Variants in RIMS2 observed in about 807,000 individuals in gnomAD.
RIMS2 encodes the protein regulating synaptic membrane exocytosis protein 2.
Under a neutral mutation model 174.4 loss-of-function variants are expected in RIMS2, and 59 were observed. That is an observed-to-expected ratio of 0.34 (90% CI 0.27 to 0.42). RIMS2 has a LOEUF of 0.42. Ranked by LOEUF, RIMS2 falls within the 10% of genes least tolerant of loss-of-function variation. RIMS2 has a pLI of 1.00. For synonymous variants in RIMS2, 606 were observed against 572.5 expected (o/e 1.06, Z -0.84); for missense variants, 1,620 against 1,666.3 (o/e 0.97, Z 0.48).
At chr8:103,510,337 G>A (rs1022530787) in intron 1 of RIMS2, among the ~76,000 whole-genome samples, 2 of 152,058 alleles carry the variant, frequency 1.3e-5, no homozygotes, top group Admixed American at 6.6e-5. Flanking sequence ...TGCTTCCCAG[G>A]CACATAGATG....
rs556297251 is a variant in RIMS2, at chr8:103,603,466, A to G, written c.177-93620A>G. 3.4e-3 allele frequency among the ~76,000 whole-genome samples: 517 copies of G among 151,046 alleles called. 2 individuals are homozygous for G. The highest frequency in any genetic ancestry group is 0.01 in the Middle Eastern group (3 of 294). On this transcript the variant is annotated intron_variant, in intron 1 of 23. Coordinates refer to ENST00000504942, the Ensembl canonical transcript of RIMS2. ...AATGCCACAATAAACATACGTGTGCATGTGTCTTTATAGCAGCATGATTTA... is the reference window on the plus strand; with the variant it reads ...AATGCCACAATAAACATACGTGTGCGTGTGTCTTTATAGCAGCATGATTTA...
At chr8:103,768,153 C>T in intron 3 of RIMS2, 2 of 334,270 alleles carry the variant, frequency 6.0e-6, no homozygotes, top group Non-Finnish European at 1.1e-5. Flanking sequence ...TTATAATGGT[C>T]AAGGTATATG....
intron 19 of RIMS2, among the ~76,000 whole-genome samples, chr8:104,237,278 A>AC (rs2099263593): frequency 6.6e-6 from 1 of 152,218 alleles, no homozygotes; most frequent in Non-Finnish European, 1.5e-5. Context: ...TATCTATTGT[A>AC]TGTATCTGTC....
intron 17 of RIMS2, among the ~76,000 whole-genome samples, chr8:104,009,010 A>T (rs2095673554): frequency 1.3e-5 from 2 of 152,086 alleles, no homozygotes; most frequent in South Asian, 4.1e-4. Flanking sequence ...TCCTCATAAC[A>T]TTAGAAACGA....
At chr8:104,101,122 A>AT (rs2097889104) in intron 19 of RIMS2, among the ~76,000 whole-genome samples, 2 of 143,096 alleles carry the variant, frequency 1.4e-5, no homozygotes, top group African/African-American at 5.1e-5. Context: ...TATATGTAAT[A>AT]TATATTTTAC....
intron 19 of RIMS2, among the ~76,000 whole-genome samples, chr8:104,047,165 A>C (rs925649857): frequency 1.3e-5 from 2 of 152,038 alleles, no homozygotes; most frequent in Non-Finnish European, 2.9e-5. Context: ...TTTAGTGATT[A>C]AGTAAGTCAT....
intron 19 of RIMS2, among the ~76,000 whole-genome samples, chr8:104,135,643 G>C (rs533129729): frequency 6.8e-6 from 1 of 147,032 alleles, no homozygotes; most frequent in East Asian, 2.0e-4. Flanking sequence ...AAAGAATGCT[G>C]AAATGTTGAG....
intron 1 of RIMS2, among the ~76,000 whole-genome samples, chr8:103,565,459 C>T (rs1209532311): frequency 6.6e-6 from 1 of 152,088 alleles, no homozygotes; most frequent in African/African-American, 2.4e-5. Context: ...CATGCACCAC[C>T]ACACCTGCTA....
chr8:103,651,099 A>G (rs2096443583), intron 1 of RIMS2, among the ~76,000 whole-genome samples: 1 of 152,116 alleles, frequency 6.6e-6, no homozygotes, highest in Non-Finnish European at 1.5e-5. Flanking sequence ...TGGACCCAGG[A>G]CCCTGGTGAT....
chr8:103,693,066 G>C (rs939596798), intron 1 of RIMS2, among the ~76,000 whole-genome samples: 5 of 152,290 alleles, frequency 3.3e-5, no homozygotes, highest in African/African-American at 9.6e-5. Context: ...CTACTGCTGT[G>C]ATGGGCAATT....
intron 3 of RIMS2, among the ~76,000 whole-genome samples, chr8:103,854,950 T>C (rs2099019455): frequency 6.6e-6 from 1 of 152,128 alleles, no homozygotes; most frequent in East Asian, 1.9e-4. Context: ...TTCTTCTTTG[T>C]ATAACTGGTA....
At chr8:103,699,849 G>A (rs1161470915) in intron 2 of RIMS2, among the ~76,000 whole-genome samples, 1 of 152,068 alleles carries the variant, frequency 6.6e-6, no homozygotes, top group African/African-American at 2.4e-5. Flanking sequence ...TAATTTAGAA[G>A]TATGTTATTT....
intron 1 of RIMS2, among the ~76,000 whole-genome samples, chr8:103,560,329 A>T (rs757209065): frequency 2.6e-5 from 4 of 152,256 alleles, no homozygotes; most frequent in Non-Finnish European, 4.4e-5. Context: ...GTGAGCCAAG[A>T]TTGCGCCATT....
At chr8:103,859,310 T>C (rs1042413295) in intron 3 of RIMS2, among the ~76,000 whole-genome samples, 7 of 152,154 alleles carry the variant, frequency 4.6e-5, no homozygotes, top group Non-Finnish European at 7.4e-5. Flanking sequence ...ATCTGAGTAA[T>C]AAATCTGGAG....
intron 1 of RIMS2, among the ~76,000 whole-genome samples, chr8:103,578,931 A>C (rs1006160496): frequency 6.6e-6 from 1 of 152,026 alleles, no homozygotes; most frequent in Non-Finnish European, 1.5e-5. Context: ...TGGAGGTTGC[A>C]CTGAGCTGAG....
At chr8:103,552,845 A>G (rs1323059825) in intron 1 of RIMS2, among the ~76,000 whole-genome samples, 1 of 152,260 alleles carries the variant, frequency 6.6e-6, no homozygotes, top group African/African-American at 2.4e-5. Flanking sequence ...ACATGAAAAA[A>G]TGCTCATCAT....
chr8:103,650,867 C>G (rs916072188), intron 1 of RIMS2, among the ~76,000 whole-genome samples: 1 of 152,192 alleles, frequency 6.6e-6, no homozygotes, highest in East Asian at 1.9e-4. Context: ...TACCAGCTGG[C>G]TGGAATTCCA....
intron 19 of RIMS2, among the ~76,000 whole-genome samples, chr8:104,175,962 T>C (rs564074607): frequency 7.9e-5 from 12 of 152,254 alleles, no homozygotes; most frequent in African/African-American, 2.4e-4. Flanking sequence ...ACATGCTATA[T>C]AGTAGGATGT....
At chr8:103,936,764 C>G in intron 13 of RIMS2, 42 bp downstream of exon 15, 1 of 1,384,870 alleles carries the variant, frequency 7.2e-7, no homozygotes, top group East Asian at 2.4e-5. Context: ...TCATGTTATC[C>G]TGAATACTTT....
Sources: gnomAD v4.1 joint callset for allele counts (sites outside exome capture counted in the v4.1 genomes callset) on GRCh38, gnomAD v4.1.1 for gene constraint, MANE v1.5 for transcripts, NCBI Gene and HGNC (gene_info 2026-07-23, HGNC 2026-07-21) for gene names.